RC3H2: variants seen among roughly 807,000 people sequenced by gnomAD.
The protein encoded by RC3H2 is roquin-2.
In RC3H2, 31 loss-of-function variants were observed where a neutral mutation model predicts 133.3. The ratio of observed to expected loss-of-function variants is 0.23; its 90% CI spans 0.17 to 0.31. The LOEUF (loss-of-function observed/expected upper bound fraction) is 0.31. RC3H2 is among the 10% of genes least tolerant of loss of function. The probability of loss-of-function intolerance (pLI) is 1.00; values close to 1 mark genes in which losing one functional copy is unlikely to be tolerated. For synonymous variants in RC3H2, 517 were observed against 502.2 expected, an observed-to-expected ratio of 1.03 and a Z score of -0.40; for missense variants, 1,175 against 1,437.2, an observed-to-expected ratio of 0.82 and a Z score of 2.95.
At chr9:122,884,306 A>G (rs1368212298) in intron 4 of RC3H2, among the ~76,000 whole-genome samples, 1 of 152,112 alleles carries the variant, frequency 6.6e-6, no homozygotes, top group African/African-American at 2.4e-5. Flanking sequence ...AAAAAAAATT[A>G]AACACACAGA....
intron 9 of RC3H2, among the ~76,000 whole-genome samples, chr9:122,871,142 AAAGAT>A (rs1268776561): frequency 6.6e-6 from 1 of 152,154 alleles, no homozygotes; most frequent in African/African-American, 2.4e-5. Context: ...CATTCCTCTT[AAAGAT>A]AAGGGACAAT....
At chr9:122,865,232 C>A in intron 10 of RC3H2, 117 bp downstream of exon 10, 1 of 969,472 alleles carries the variant, frequency 1.0e-6, no homozygotes, top group Non-Finnish European at 1.5e-6. Flanking sequence ...TTCTACATCA[C>A]AAAATATTCT....
At chr9:122,868,146 C>T (rs1038828900) in intron 9 of RC3H2, among the ~76,000 whole-genome samples, 18 of 150,182 alleles carry the variant, frequency 1.2e-4, no homozygotes, top group African/African-American at 4.2e-4. Context: ...CCCGGCCAGC[C>T]GCCCTGTCGG....
chr9:122,876,854 T>C (rs1564303051), intron 9 of RC3H2, among the ~76,000 whole-genome samples: 2 of 152,124 alleles, frequency 1.3e-5, no homozygotes, highest in Non-Finnish European at 2.9e-5. Flanking sequence ...AAAAAGAATG[T>C]TAAAAAGACC....
In RC3H2 at chr9:122,897,572, G is replaced by T. The variant is rs988309557; in HGVS notation, c.-63C>A. ...TCATTATTTTGCTGTGTAGTGTTTT[G>T]TAAGCTAGAAATGGACAAAAGTATG... On this transcript the variant is annotated 5_prime_UTR_variant, in exon 2 of 21. Coordinates refer to ENST00000357244, the MANE Select transcript of RC3H2 (RefSeq NM_001100588.3). 3 of 1,539,682 alleles carry T rather than the reference G, an allele frequency of 1.9e-6. No homozygotes were observed. Among genetic ancestry groups the T allele is most frequent in the Admixed American group, 2.0e-5 (1 of 49,744 alleles).
chr9:122,869,925 T>C (rs1342704922), intron 9 of RC3H2, among the ~76,000 whole-genome samples: 3 of 152,158 alleles, frequency 2.0e-5, no homozygotes, highest in African/African-American at 7.2e-5. Context: ...AAGAAGGGCA[T>C]GAGCAGACCT....
At chr9:122,883,510 G>C in intron 4 of RC3H2, 131 bp from the exon 5 acceptor site, 1 of 589,242 alleles carries the variant, frequency 1.7e-6, no homozygotes, top group Non-Finnish European at 2.8e-6. Context: ...TTAGCACAAA[G>C]AGGACATCAC....
chr9:122,870,400 ACAAACAAACAAAC>A (rs749016956), intron 9 of RC3H2, among the ~76,000 whole-genome samples: 3 of 132,532 alleles, frequency 2.3e-5, no homozygotes, highest in South Asian at 2.6e-4. Flanking sequence ...AAACAAACAA[ACAAACAAACAAAC>A]AAAAAAAAAA....
At position 122,897,549 on chromosome 9, in the gene RC3H2, A is replaced by G. The variant is rs1832476493; in HGVS notation, c.-40T>C. ...GCTCGGGTTAGCAGTCTAGCAGATC[A>G]TTATTTTGCTGTGTAGTGTTTTGTA... On this transcript the variant is annotated 5_prime_UTR_variant, in exon 2 of 21. It removes an upstream start codon present in the reference 5' UTR. Transcript: ENST00000357244. 5.1e-6 allele frequency: 8 copies of G among 1,583,208 alleles called. No homozygotes were observed. The highest frequency in any genetic ancestry group is 6.9e-6 in the Non-Finnish European group (8 of 1,161,616).
At chr9:122,904,416 A>G (rs1476825005) in intron 1 of RC3H2, among the ~76,000 whole-genome samples, 2 of 152,238 alleles carry the variant, frequency 1.3e-5, no homozygotes, top group African/African-American at 4.8e-5. Context: ...AAGGATAGAA[A>G]AAAGTACAGC....
At position 122,897,266 on chromosome 9, in the gene RC3H2, C is replaced by T. The variant is rs775155151; in HGVS notation, c.231+13G>A. The T allele has an allele frequency of 1.9e-6, 3 of 1,613,118 alleles. No individual in the cohort carries two copies. Among genetic ancestry groups the T allele is most frequent in the East Asian group, 2.2e-5 (1 of 44,894 alleles). On this transcript the variant is annotated intron_variant, in intron 2 of 20. Transcript: ENST00000357244. ...TTTTTGCACCAACCTATAGTAAAAT[C>T]TTGAATGCTTACCTGGGCTCCAACT...
intron 10 of RC3H2, among the ~76,000 whole-genome samples, chr9:122,864,107 A>G (rs969376061): frequency 1.3e-5 from 2 of 152,232 alleles, no homozygotes; most frequent in African/African-American, 2.4e-5. Context: ...GTTACTGCTT[A>G]TCTATCCATC....
Position 122,897,503 on chromosome 9 carries a change from C to T in RC3H2, c.7G>A (p.Val3Met). MP[V>M]QAAQWTEFLS... is the part of the protein sequence containing the mutation. Reference sequence around the variant, plus strand: ...AATTCTGTCCATTGAGCTGCCTGCACAGGCATTGTGGAAGCTGGATGCTCG... The same window carrying T: ...AATTCTGTCCATTGAGCTGCCTGCATAGGCATTGTGGAAGCTGGATGCTCG... The change falls in exon 2 of 21, where the codon GTG (valine) becomes ATG (methionine). Residue 3 changes from valine (V) to methionine (M), a missense_variant. By Grantham distance (21) the Val-to-Met change is conservative. This residue lies in a region of RC3H2 where 41 missense variants were observed against 88.0 expected (regional missense o/e 0.47). Coordinates refer to ENST00000357244, the MANE Select transcript of RC3H2 (RefSeq NM_001100588.3). The T allele has an allele frequency of 6.2e-7, 1 of 1,612,826 alleles. No individual in the cohort carries two copies. The highest frequency in any genetic ancestry group is 8.5e-7 in the Non-Finnish European group (1 of 1,179,264).
chr9:122,888,411 G>A (rs991732169), intron 4 of RC3H2, among the ~76,000 whole-genome samples: 2 of 152,158 alleles, frequency 1.3e-5, no homozygotes, highest in Non-Finnish European at 2.9e-5. Context: ...AAACAAGATA[G>A]AGTTGGCAAA....
chr9:122,886,803 T>C (rs1267982652), intron 4 of RC3H2, among the ~76,000 whole-genome samples: 1 of 152,174 alleles, frequency 6.6e-6, no homozygotes, highest in Non-Finnish European at 1.5e-5. Context: ...ATGTGCTTGT[T>C]AGTCATCGTG....
intron 9 of RC3H2, among the ~76,000 whole-genome samples, chr9:122,872,729 C>T (rs1287878554): frequency 2.0e-5 from 3 of 152,284 alleles, no homozygotes; most frequent in South Asian, 2.1e-4. Flanking sequence ...GGATTACAGG[C>T]GTGCACCACC....
intron 9 of RC3H2, among the ~76,000 whole-genome samples, chr9:122,867,715 G>A (rs1422177277): frequency 1.1e-5 from 1 of 92,908 alleles, no homozygotes; most frequent in Non-Finnish European, 2.3e-5. Flanking sequence ...GCCTGGCCGC[G>A]ACCCCGTCTG....
rs1009256059 is a variant in RC3H2 at position 122,854,762 on chromosome 9, G to C, written c.2816-147C>G. Reference sequence around the variant, plus strand: ...ACCTAATTCTGAGTTTCCCATGGTTGTTAAATGGAGGGAAATGTTTTCCAT... The same window carrying C: ...ACCTAATTCTGAGTTTCCCATGGTTCTTAAATGGAGGGAAATGTTTTCCAT... On this transcript the variant is annotated intron_variant, in intron 15 of 20. Coordinates refer to ENST00000357244, the MANE Select transcript of RC3H2 (RefSeq NM_001100588.3). The C allele has an allele frequency of 4.7e-6, 3 of 643,284 alleles. No homozygotes were observed. In the African/African-American group the frequency reaches 5.5e-5, roughly 12 times the overall value. The allele number at this position is 643,284 out of a possible 1,614,324, so 39.8% of individuals were successfully genotyped here.
chr9:122,865,760 A>G, intron 9 of RC3H2, 103 bp from the exon 10 acceptor site: 1 of 969,144 alleles, frequency 1.0e-6, no homozygotes, highest in Non-Finnish European at 1.5e-6. Flanking sequence ...AGGAGGAAAC[A>G]GTTTTGACAA....
Sources: allele counts gnomAD v4.1 joint callset (sites outside exome capture counted in the v4.1 genomes callset), GRCh38; gene constraint gnomAD v4.1.1; regional missense constraint gnomAD v4.1.1; transcripts MANE v1.5; gene names NCBI Gene and HGNC (gene_info 2026-07-23, HGNC 2026-07-21).